YEATS4: variants seen among roughly 807,000 people sequenced by gnomAD.
YEATS4 encodes YEATS domain containing 4.
Under a neutral mutation model 30.1 loss-of-function variants are expected in YEATS4, and 17 were observed. That is an observed-to-expected ratio of 0.56 (90% confidence interval 0.39 to 0.85). YEATS4 has a LOEUF of 0.85. YEATS4 is among the 40% of genes least tolerant of loss of function. The pLI is 0.00. For synonymous variants in YEATS4, 85 were observed against 87.5 expected, an observed-to-expected ratio of 0.97 and a Z score of 0.16; for missense variants, 142 against 268.3, an observed-to-expected ratio of 0.53 and a Z score of 3.29.
At chr12:69,420,536 A>G in the YEATS4 span, among the ~76,000 whole-genome samples, 1 of 151,806 alleles carries the variant, frequency 6.6e-6, no homozygotes, top group Non-Finnish European at 1.5e-5. Context: ...TGAGGGAGAG[A>G]CAGGGACAGA....
chr12:69,425,937 C>T, the YEATS4 span, among the ~76,000 whole-genome samples: 1 of 152,208 alleles, frequency 6.6e-6, no homozygotes, highest in Non-Finnish European at 1.5e-5. Context: ...TGGAATTGTA[C>T]TCCCTTCCTT....
At position 69,374,027 on chromosome 12, in the gene YEATS4, T is replaced by C. The variant is rs564652945; in HGVS notation, c.514+3052T>C. On this transcript the variant is annotated intron_variant, in intron 6 of 6. Coordinates refer to ENST00000247843, the MANE Select transcript of YEATS4 (RefSeq NM_006530.4). ...AAGTACCATGCTGTTGTGGTTACTATAGCTCTGTAGTATAATTTGAAGTCA... is the reference window on the plus strand; with the variant it reads ...AAGTACCATGCTGTTGTGGTTACTACAGCTCTGTAGTATAATTTGAAGTCA... 3.3e-5 allele frequency among the ~76,000 whole-genome samples: 5 copies of C among 152,354 alleles called. No individual in the cohort carries two copies. In the South Asian group the frequency reaches 1.0e-3, roughly 32 times the overall value.
the YEATS4 span, among the ~76,000 whole-genome samples, chr12:69,398,610 C>T: frequency 6.6e-6 from 1 of 151,322 alleles, no homozygotes; most frequent in South Asian, 2.1e-4. Context: ...CCCAGGAGTT[C>T]AAGACCAGCC....
rs530377098 is a variant in YEATS4, at chr12:69,382,401, C to G, written c.515-7746C>G. On this transcript the variant is annotated intron_variant, in intron 6 of 6. Coordinates refer to ENST00000247843, the MANE Select transcript of YEATS4 (RefSeq NM_006530.4). ...GTTTTACTGTGGCTGAGCTGGCACC[C>G]AAGCTACAAGACAGCATCCTTCCCA... 2.0e-5 allele frequency among the ~76,000 whole-genome samples: 3 copies of G among 152,300 alleles called. No homozygotes were observed. In the East Asian group the frequency reaches 5.8e-4, roughly 29 times the overall value.
the YEATS4 span, among the ~76,000 whole-genome samples, chr12:69,401,904 C>T: frequency 6.6e-6 from 1 of 152,134 alleles, no homozygotes; most frequent in Admixed American, 6.5e-5. Flanking sequence ...CTCTGTTTCA[C>T]GGTGTTCAGC....
intron 2 of YEATS4, 43 bp downstream of exon 2, chr12:69,362,950 C>A: frequency 2.1e-6 from 2 of 934,242 alleles, no homozygotes; most frequent in Admixed American, 3.4e-5. Flanking sequence ...TTAAAGTTGT[C>A]TGTAATTTGT....
the YEATS4 span, among the ~76,000 whole-genome samples, chr12:69,399,380 A>G: frequency 2.0e-5 from 3 of 152,226 alleles, no homozygotes; most frequent in Non-Finnish European, 4.4e-5. Context: ...AAGATATTCA[A>G]ATGGCCAATA....
At chr12:69,405,156 T>C in the YEATS4 span, among the ~76,000 whole-genome samples, 1 of 152,216 alleles carries the variant, frequency 6.6e-6, no homozygotes, top group Non-Finnish European at 1.5e-5. Flanking sequence ...CTCTAAACTT[T>C]TGTAATTGAT....
intron 6 of YEATS4, among the ~76,000 whole-genome samples, chr12:69,377,458 G>A (rs997196535): frequency 6.6e-5 from 10 of 151,344 alleles, no homozygotes; most frequent in African/African-American, 9.7e-5. Flanking sequence ...TGGGGATCTC[G>A]CTGTGTTTAC....
At chr12:69,379,002 G>A (rs1331240474) in intron 6 of YEATS4, among the ~76,000 whole-genome samples, 1 of 152,136 alleles carries the variant, frequency 6.6e-6, no homozygotes. Context: ...CTCCATGTTC[G>A]AAGGCTATTT....
chr12:69,392,500 A>G (rs74857662), downstream of YEATS4, among the ~76,000 whole-genome samples: 1,003 of 152,356 alleles, frequency 6.6e-3, 19 homozygotes, highest in Admixed American at 0.041. Context: ...TAATGAATGC[A>G]TTTTTTAAAT....
At chr12:69,426,907 T>A in the YEATS4 span, among the ~76,000 whole-genome samples, 10 of 152,200 alleles carry the variant, frequency 6.6e-5, no homozygotes, top group Non-Finnish European at 1.5e-4. Context: ...TTGAGCTTGA[T>A]CATGATTCCT....
intron 2 of YEATS4, among the ~76,000 whole-genome samples, chr12:69,364,645 G>A (rs1844115333): frequency 6.6e-6 from 1 of 152,126 alleles, no homozygotes; most frequent in African/African-American, 2.4e-5. Flanking sequence ...TTGAGATGGA[G>A]TTTCTCTCTT....
the YEATS4 span, among the ~76,000 whole-genome samples, chr12:69,407,776 G>A: frequency 8.2e-6 from 1 of 122,668 alleles, no homozygotes; most frequent in African/African-American, 3.0e-5. Flanking sequence ...GAGTGCAATG[G>A]TGCAATCTCA....
chr12:69,382,233 A>G (rs1876107544), intron 6 of YEATS4, among the ~76,000 whole-genome samples: 1 of 152,216 alleles, frequency 6.6e-6, no homozygotes, highest in Non-Finnish European at 1.5e-5. Context: ...GCCAAATAAC[A>G]GACTGTCTTA....
At position 69,389,848 on chromosome 12, in the gene YEATS4, C is replaced by T. The variant is rs968013936; in HGVS notation, c.515-299C>T. Among the ~76,000 whole-genome samples the T allele has an allele frequency of 1.2e-4, 18 of 152,034 alleles. 1 individual carries two copies. In the East Asian group the frequency reaches 3.5e-3, roughly 30 times the overall value. On this transcript the variant is annotated intron_variant, in intron 6 of 6. Transcript: ENST00000247843. ...AGCTGATGTATCTTGGGTTTGTGTG[C>T]CCCCTTATTTCAATCTTAATATGTG... is the stretch of plus-strand genomic sequence containing the variant.
At chr12:69,413,860 AAAAG>A in the YEATS4 span, among the ~76,000 whole-genome samples, 2,757 of 146,702 alleles carry the variant, frequency 0.019, 42 homozygotes, top group Non-Finnish European at 0.031. Context: ...AAAAAAAAAA[AAAAG>A]AAAAAGAAAA....
chr12:69,365,564 C>A (rs756548948), intron 2 of YEATS4, 69 bp from the exon 3 acceptor site: 142 of 1,102,606 alleles, frequency 1.3e-4, no homozygotes, highest in Middle Eastern at 2.9e-4. Flanking sequence ...TAAGTATATA[C>A]GCTCAGTGTA....
At chr12:69,419,942 C>T in the YEATS4 span, among the ~76,000 whole-genome samples, 8 of 152,130 alleles carry the variant, frequency 5.3e-5, no homozygotes, top group Non-Finnish European at 1.2e-4. Context: ...TGTCAAAAAG[C>T]GGTGGGAGAT....
Sources: gnomAD v4.1 joint callset for allele counts (sites outside exome capture counted in the v4.1 genomes callset) on GRCh38, gnomAD v4.1.1 for gene constraint, MANE v1.5 for transcripts, NCBI Gene and HGNC (gene_info 2026-07-23, HGNC 2026-07-21) for gene names.